ATF6: variants seen among roughly 807,000 people sequenced by gnomAD.
ATF6 encodes the protein cyclic AMP-dependent transcription factor ATF-6 alpha.
A neutral mutation model predicts 83.6 loss-of-function variants in ATF6; 53 were observed. The ratio of observed to expected loss-of-function variants is 0.63; its 90% CI spans 0.51 to 0.80. The LOEUF (loss-of-function observed/expected upper bound fraction) is 0.80. Among genes scored for constraint, ATF6 ranks in the 30% least tolerant of loss-of-function variants. The pLI is 0.00. For synonymous variants in ATF6, 288 were observed against 285.8 expected (o/e 1.01, Z -0.08); for missense variants, 744 against 797.9 (o/e 0.93, Z 0.81).
chr1:161,957,344 G>A (rs928015163), intron 15 of ATF6, among the ~76,000 whole-genome samples: 1 of 152,004 alleles, frequency 6.6e-6, no homozygotes, highest in African/African-American at 2.4e-5. Context: ...CCCACACCCC[G>A]CTCTGGATTC....
intron 7 of ATF6, among the ~76,000 whole-genome samples, chr1:161,815,720 ATTGTTTGAGCCCAGGAGTT>A (rs1253020996): frequency 6.6e-6 from 1 of 152,132 alleles, no homozygotes; most frequent in Non-Finnish European, 1.5e-5. Flanking sequence ...AAGCAGGAGG[ATTGTTTGAGCCCAGGAGTT>A]CAAGACCAGC....
At chr1:161,815,676 T>G (rs1685596018) in intron 7 of ATF6, among the ~76,000 whole-genome samples, 1 of 152,070 alleles carries the variant, frequency 6.6e-6, no homozygotes, top group Non-Finnish European at 1.5e-5. Flanking sequence ...GATAATTAAA[T>G]TAAAACAAGC....
At chr1:161,920,123 G>C (rs992411351) in intron 15 of ATF6, among the ~76,000 whole-genome samples, 17 of 151,596 alleles carry the variant, frequency 1.1e-4, no homozygotes, top group Admixed American at 3.3e-4. Context: ...AAGGTCTGCA[G>C]GTTGTCTATT....
chr1:161,862,325 T>C (rs904651497), intron 13 of ATF6, among the ~76,000 whole-genome samples: 3 of 152,168 alleles, frequency 2.0e-5, no homozygotes, highest in African/African-American at 7.2e-5. Flanking sequence ...TAATAATATT[T>C]GATTGATACA....
At chr1:161,956,699 G>T (rs1484722368) in intron 15 of ATF6, among the ~76,000 whole-genome samples, 1 of 152,186 alleles carries the variant, frequency 6.6e-6, no homozygotes, top group Non-Finnish European at 1.5e-5. Flanking sequence ...TAATGGAAGA[G>T]ATTTTCAAAA....
At chr1:161,877,024 C>A (rs1309021167) in intron 14 of ATF6, among the ~76,000 whole-genome samples, 1 of 151,910 alleles carries the variant, frequency 6.6e-6, no homozygotes, top group African/African-American at 2.4e-5. Context: ...ATACATTCTT[C>A]TTTGTTGTAT....
At chr1:161,950,666 T>A (rs1688844370) in intron 15 of ATF6, among the ~76,000 whole-genome samples, 1 of 152,154 alleles carries the variant, frequency 6.6e-6, no homozygotes, top group African/African-American at 2.4e-5. Context: ...GGACAGTGAA[T>A]CAGGTTCCAG....
chr1:161,863,126 T>A, intron 13 of ATF6, 72 bp from the exon 14 acceptor site: 1 of 839,832 alleles, frequency 1.2e-6, no homozygotes, highest in Non-Finnish European at 1.9e-6. Flanking sequence ...GACATAGCCT[T>A]AGAATGGGAA....
chr1:161,902,549 A>T (rs1687807399), intron 14 of ATF6, among the ~76,000 whole-genome samples: 1 of 152,346 alleles, frequency 6.6e-6, no homozygotes, highest in Admixed American at 6.5e-5. Context: ...AATTTCAACA[A>T]AGTGCAAAAA....
chr1:161,945,823 C>T (rs1688736119), intron 15 of ATF6, among the ~76,000 whole-genome samples: 2 of 152,268 alleles, frequency 1.3e-5, no homozygotes, highest in East Asian at 1.9e-4. Flanking sequence ...CAATGAATCA[C>T]AAATAATTGG....
intron 3 of ATF6, among the ~76,000 whole-genome samples, chr1:161,782,341 C>T (rs1684653000): frequency 6.6e-6 from 1 of 152,166 alleles, no homozygotes; most frequent in South Asian, 2.1e-4. Flanking sequence ...TTACCAGAAC[C>T]TAGGAACTTG....
At position 161,792,045 on chromosome 1, in the gene ATF6, G is replaced by A; in HGVS notation, c.485-79G>A. ...GAAGTTAAGATAATGTGTAGAGAAA[G>A]GTGTGTGATAGAATCTGTTTTTTAG... is the stretch of plus-strand genomic sequence containing the variant. On this transcript the variant is annotated intron_variant, in intron 5 of 15. Coordinates refer to ENST00000367942, the MANE Select transcript of ATF6 (RefSeq NM_007348.4). 6.1e-6 allele frequency: 7 copies of A among 1,151,312 alleles called. No homozygotes were observed. The South Asian group carries it at 8.9e-5, about 15-fold the overall frequency. 71.3% of individuals were successfully genotyped at this position (1,151,312 alleles called of 1,614,324 possible).
At chr1:161,842,483 A>T (rs527463147) in intron 9 of ATF6, among the ~76,000 whole-genome samples, 33 of 150,512 alleles carry the variant, frequency 2.2e-4, no homozygotes, top group African/African-American at 7.8e-4. Context: ...TCAATCAACA[A>T]GTGGATAAAG....
At chr1:161,897,314 G>A (rs935841034) in intron 14 of ATF6, among the ~76,000 whole-genome samples, 3 of 151,496 alleles carry the variant, frequency 2.0e-5, no homozygotes, top group African/African-American at 7.3e-5. Flanking sequence ...TGCACCTGTA[G>A]TCCCAGCTAC....
At chr1:161,804,110 G>A (rs58567252) in intron 7 of ATF6, among the ~76,000 whole-genome samples, 3,319 of 150,236 alleles carry the variant, frequency 0.022, 121 homozygotes, top group African/African-American at 0.078. Context: ...TTTTGTTCTT[G>A]CGATAGTTTA....
In ATF6 at chr1:161,868,339, A is replaced by G. The variant is rs528262372; in HGVS notation, c.1719+5027A>G. ...ACTCTTCTGAGAAAATGACTTTGGCAGGCACTGGGAGCTTCATAAACTACT... is the reference window on the plus strand; with the variant it reads ...ACTCTTCTGAGAAAATGACTTTGGCGGGCACTGGGAGCTTCATAAACTACT... On this transcript the variant is annotated intron_variant, in intron 14 of 15. Coordinates refer to ENST00000367942, the MANE Select transcript of ATF6 (RefSeq NM_007348.4). Among the ~76,000 whole-genome samples, 4 of 152,300 alleles carry G rather than the reference A, an allele frequency of 2.6e-5. No homozygotes were observed. The South Asian group carries it at 8.3e-4, about 32-fold the overall frequency.
intron 2 of ATF6, among the ~76,000 whole-genome samples, chr1:161,781,371 AAG>A (rs1180437313): frequency 6.6e-6 from 1 of 152,170 alleles, no homozygotes; most frequent in African/African-American, 2.4e-5. Context: ...CTGTAGAAAA[AAG>A]GAAAATTACT....
intron 12 of ATF6, among the ~76,000 whole-genome samples, chr1:161,855,423 G>A (rs1482441373): frequency 6.6e-6 from 1 of 152,162 alleles, no homozygotes; most frequent in Non-Finnish European, 1.5e-5. Context: ...AGCAGTTAGA[G>A]GTGGAAGTCA....
chr1:161,886,752 C>T (rs981560151), intron 14 of ATF6, among the ~76,000 whole-genome samples: 1 of 152,180 alleles, frequency 6.6e-6, no homozygotes, highest in African/African-American at 2.4e-5. Context: ...AAGTGAAGCA[C>T]AGAGAGGTTA....
Sources: allele counts gnomAD v4.1 joint callset (sites outside exome capture counted in the v4.1 genomes callset), GRCh38; gene constraint gnomAD v4.1.1; transcripts MANE v1.5; gene names NCBI Gene and HGNC (gene_info 2026-07-23, HGNC 2026-07-21).